SLC25A24: variants seen among roughly 807,000 people sequenced by gnomAD.
The protein encoded by SLC25A24 is solute carrier family 25 member 24.
In SLC25A24, 49 loss-of-function variants were observed where a neutral mutation model predicts 60.7. The observed-to-expected ratio is 0.81, with a 90% CI of 0.64 to 1.02. SLC25A24 has a LOEUF of 1.02. Among genes scored for constraint, SLC25A24 ranks in the 50% least tolerant of loss-of-function variants. The probability of loss-of-function intolerance (pLI) is 0.00; values close to 1 mark genes in which losing one functional copy is unlikely to be tolerated. For missense variants in SLC25A24, 564 were observed against 586.3 expected, an observed-to-expected ratio of 0.96 and a Z score of 0.39; for synonymous variants, 202 against 200.6, an observed-to-expected ratio of 1.01 and a Z score of -0.06.
chr1:108,175,316 CTT>C (rs1647634470), intron 3 of SLC25A24, among the ~76,000 whole-genome samples: 1 of 152,054 alleles, frequency 6.6e-6, no homozygotes, highest in African/African-American at 2.4e-5. Context: ...TTTTTTCCCT[CTT>C]TGCTAGGCAC....
At chr1:108,181,874 C>G in intron 3 of SLC25A24, 67 bp downstream of exon 3, 4 of 1,171,812 alleles carry the variant, frequency 3.4e-6, no homozygotes, top group South Asian at 1.3e-5. Flanking sequence ...GCCACACTTA[C>G]AAACACAGAG....
In SLC25A24 at chr1:108,136,793, G is replaced by A. The variant is rs376157270; in HGVS notation, c.1294C>T (p.Arg432Ter). The change falls in exon 10 of 10, where the codon CGA becomes TGA. Residue 432 changes from arginine to a stop codon, truncating the protein, a stop_gained. Coordinates refer to ENST00000565488, the MANE Select transcript of SLC25A24 (RefSeq NM_013386.5). LOFTEE classifies it high-confidence loss of function. ...ATTCCTTCTTTGGAAATAATTCGTCGAAAGAGGCCAACCATATTCAGCTGT... is the reference window on the plus strand; with the variant it reads ...ATTCCTTCTTTGGAAATAATTCGTCAAAAGAGGCCAACCATATTCAGCTGT... Reference protein sequence around the residue: ...SPQLNMVGLFRRIISKEGIPG... With the variant: ...SPQLNMVGLF 4.7e-5 allele frequency: 76 copies of A among 1,613,936 alleles called. No individual in the cohort carries two copies. The highest frequency in any genetic ancestry group is 1.1e-4 in the South Asian group (10 of 91,086).
intron 8 of SLC25A24, 53 bp from the exon 9 acceptor site, chr1:108,139,261 A>C: frequency 3.3e-6 from 5 of 1,519,108 alleles, no homozygotes; most frequent in Non-Finnish European, 4.4e-6. Context: ...ACTTCAACGT[A>C]AACATTTTCA....
intron 6 of SLC25A24, among the ~76,000 whole-genome samples, chr1:108,150,584 A>C (rs1679729875): frequency 1.3e-5 from 2 of 152,132 alleles, no homozygotes; most frequent in Admixed American, 1.3e-4. Flanking sequence ...TCAGGAGCTC[A>C]AGGAAGAGTA....
intron 1 of SLC25A24, among the ~76,000 whole-genome samples, chr1:108,187,927 G>GATATAGATATATATATATAT (rs1553256783): frequency 5.2e-5 from 5 of 95,774 alleles, no homozygotes; most frequent in South Asian, 6.5e-4. Context: ...AGACATTATA[G>GATATAGATATATATATATAT]ATATATATAT....
At chr1:108,169,868 T>C (rs375826444) in intron 3 of SLC25A24, among the ~76,000 whole-genome samples, 17 of 152,268 alleles carry the variant, frequency 1.1e-4, no homozygotes, top group African/African-American at 4.1e-4. Flanking sequence ...ATTTTATTAG[T>C]TTTTTAAAAG....
At chr1:108,138,158 C>T (rs1679338157) in intron 9 of SLC25A24, among the ~76,000 whole-genome samples, 1 of 152,226 alleles carries the variant, frequency 6.6e-6, no homozygotes, top group South Asian at 2.1e-4. Context: ...AGGTTGTTTA[C>T]TTGCTGGACA....
chr1:108,162,166 G>A (rs961172765), intron 3 of SLC25A24, among the ~76,000 whole-genome samples: 2 of 152,040 alleles, frequency 1.3e-5, no homozygotes, highest in African/African-American at 4.8e-5. Context: ...GTGTAAATGT[G>A]CCACATTTTC....
chr1:108,166,154 A>G (rs1351056785), intron 3 of SLC25A24, among the ~76,000 whole-genome samples: 5 of 152,228 alleles, frequency 3.3e-5, no homozygotes, highest in South Asian at 2.1e-4. Context: ...AGTTTCTGCC[A>G]AGAGATCCGC....
intron 6 of SLC25A24, among the ~76,000 whole-genome samples, chr1:108,151,752 T>C (rs986270789): frequency 3.9e-5 from 6 of 152,180 alleles, no homozygotes; most frequent in South Asian, 2.1e-4. Context: ...ATATACCCAA[T>C]TGCTTACTGG....
intron 9 of SLC25A24, 65 bp from the exon 10 acceptor site, chr1:108,136,902 A>G: frequency 7.1e-7 from 1 of 1,408,124 alleles, no homozygotes; most frequent in Non-Finnish European, 9.9e-7. Context: ...ACAACAAACA[A>G]TTATGACCCA....
At chr1:108,157,262 A>AC (rs1247432605) in intron 5 of SLC25A24, among the ~76,000 whole-genome samples, 200 bp downstream of exon 5, 2 of 152,348 alleles carry the variant, frequency 1.3e-5, no homozygotes, top group East Asian at 3.9e-4. Flanking sequence ...CATTACACAC[A>AC]TGTACTAACA....
chr1:108,192,827 G>A (rs1648389000), intron 1 of SLC25A24: 1 of 1,200,752 alleles, frequency 8.3e-7, no homozygotes, highest in Middle Eastern at 3.0e-4. Context: ...TCAGCGCAAA[G>A]GCGCGAGCGC....
At chr1:108,137,047 A>C (rs1679309578) in intron 9 of SLC25A24, among the ~76,000 whole-genome samples, 1 of 152,200 alleles carries the variant, frequency 6.6e-6, no homozygotes, top group Admixed American at 6.5e-5. Flanking sequence ...AATAATAGTT[A>C]TTTATTAATT....
intron 1 of SLC25A24, among the ~76,000 whole-genome samples, chr1:108,189,872 T>C (rs2152561): frequency 2.2e-4 from 30 of 137,556 alleles, no homozygotes; most frequent in African/African-American, 8.3e-4. Context: ...AATTAAAAAA[T>C]ATATATATAT....
At chr1:108,177,730 G>A (rs1273830997) in intron 3 of SLC25A24, among the ~76,000 whole-genome samples, 1 of 152,042 alleles carries the variant, frequency 6.6e-6, no homozygotes, top group Admixed American at 6.5e-5. Flanking sequence ...GTTATATGAA[G>A]GTACTTTTAC....
chr1:108,159,711 T>G (rs1045082583), intron 4 of SLC25A24, among the ~76,000 whole-genome samples: 10 of 151,854 alleles, frequency 6.6e-5, no homozygotes, highest in Non-Finnish European at 2.9e-5. Context: ...GCAAAGCACA[T>G]CTTGCACCGC....
In SLC25A24 at chr1:108,135,906, T is replaced by A. The variant is rs1052288776; in HGVS notation, c.*747A>T. On this transcript the variant is annotated 3_prime_UTR_variant, in exon 10 of 10. Coordinates refer to ENST00000565488, the MANE Select transcript of SLC25A24 (RefSeq NM_013386.5). ...CAGAAGCTGATACAAGTCAAAGGATTTCGTTTCCTGCTGCTTTTCAAAGCA... is the reference window on the plus strand; with the variant it reads ...CAGAAGCTGATACAAGTCAAAGGATATCGTTTCCTGCTGCTTTTCAAAGCA... 1.3e-5 allele frequency: 2 copies of A among 152,360 alleles called. No homozygotes were observed. Among genetic ancestry groups the A allele is most frequent in the African/African-American group, 4.8e-5 (2 of 41,476 alleles). 9.4% of individuals were successfully genotyped at this position (152,360 alleles called of 1,614,324 possible).
At position 108,155,115 on chromosome 1, in the gene SLC25A24, GTC is replaced by G; in HGVS notation, c.688_689del (p.Asp230GlnfsTer34). Reference sequence around the variant, plus strand: ...GAAAGCCACCAAATATGTTCATTTTGTCTGATTTTGAACCGTGAACCTAAAAA... The same window carrying G: ...GAAAGCCACCAAATATGTTCATTTTGTGATTTTGAACCGTGAACCTAAAAA... ...IMMQVHGSKS[D>X]KMNIFGGFRQ... On this transcript the variant is annotated frameshift_variant, in exon 6 of 10. Coordinates refer to ENST00000565488, the MANE Select transcript of SLC25A24 (RefSeq NM_013386.5). LOFTEE classifies it high-confidence loss of function. 6.2e-7 allele frequency: 1 copy of G among 1,609,902 alleles called. No homozygotes were observed.
Sources: gnomAD v4.1 joint callset for allele counts (sites outside exome capture counted in the v4.1 genomes callset) on GRCh38, gnomAD v4.1.1 for gene constraint, MANE v1.5 for transcripts, NCBI Gene and HGNC (gene_info 2026-07-23, HGNC 2026-07-21) for gene names.